RBFOX3: variants seen among roughly 807,000 people sequenced by gnomAD.
RBFOX3 encodes the protein RNA binding fox-1 homolog 3, also known as RNA binding protein fox-1 homolog 3.
RBFOX3 carries 17 observed loss-of-function variants against 48.7 expected under a neutral mutation model. That is an observed-to-expected ratio of 0.35 (90% confidence interval 0.24 to 0.52). The LOEUF is 0.52. RBFOX3 is among the 20% of genes least tolerant of loss of function. The probability of loss-of-function intolerance (pLI) is 0.94; values close to 1 mark genes in which losing one functional copy is unlikely to be tolerated. For missense variants in RBFOX3, 382 were observed against 497.5 expected (o/e 0.77, Z 2.21); for synonymous variants, 212 against 209.5 (o/e 1.01, Z -0.10).
intron 4 of RBFOX3, among the ~76,000 whole-genome samples, chr17:79,179,480 G>A (rs1011247912): frequency 5.9e-5 from 9 of 151,996 alleles, no homozygotes; most frequent in South Asian, 2.1e-4. Context: ...TTCACGACGC[G>A]TCCCCCAGGA....
chr17:79,098,688 G>A (rs572491470), intron 9 of RBFOX3: 2 of 152,436 alleles, frequency 1.3e-5, no homozygotes, highest in African/African-American at 4.8e-5. Context: ...CCTTGCAGTG[G>A]GCTCCGGCTC....
intron 1 of RBFOX3, among the ~76,000 whole-genome samples, chr17:79,529,542 A>G (rs1323761356): frequency 6.6e-6 from 1 of 152,102 alleles, no homozygotes; most frequent in Non-Finnish European, 1.5e-5. Flanking sequence ...GCACCCCGGG[A>G]GGGAGGTGGC....
At chr17:79,251,710 G>T (rs2063983758) in intron 3 of RBFOX3, among the ~76,000 whole-genome samples, 1 of 152,178 alleles carries the variant, frequency 6.6e-6, no homozygotes, top group Non-Finnish European at 1.5e-5. Flanking sequence ...GGCCAGACGA[G>T]TCGGCTGCAT....
intron 4 of RBFOX3, among the ~76,000 whole-genome samples, chr17:79,123,667 T>C (rs984317064): frequency 6.6e-6 from 1 of 152,018 alleles, no homozygotes; most frequent in African/African-American, 2.4e-5. Context: ...ACACGTGCCA[T>C]CTCATCGAAT....
chr17:79,381,290 T>TGAGATTCA (rs1326996649), intron 2 of RBFOX3, among the ~76,000 whole-genome samples: 1 of 151,158 alleles, frequency 6.6e-6, no homozygotes, highest in African/African-American at 2.4e-5. Context: ...AAGAAACACG[T>TGAGATTCA]GAGATTCATG....
At chr17:79,591,035 G>A (rs948969053) in intron 1 of RBFOX3, among the ~76,000 whole-genome samples, 3 of 152,196 alleles carry the variant, frequency 2.0e-5, no homozygotes, top group African/African-American at 2.4e-5. Flanking sequence ...AGAAGTTCCC[G>A]TGTCTGCCGG....
At chr17:79,398,435 T>C (rs1329609175) in intron 2 of RBFOX3, among the ~76,000 whole-genome samples, 2 of 151,910 alleles carry the variant, frequency 1.3e-5, no homozygotes, top group Non-Finnish European at 2.9e-5. Context: ...AGCCTGACGA[T>C]ATCTGTCAGC....
rs1364577317 is a variant in RBFOX3, at chr17:79,089,633, A to G, written c.*1250T>C. Reference sequence around the variant, plus strand: ...TTTCAATAGCTGATGCTGAATAGAAAGTGAGGTGTATTTTTAAATTTTTGA... The same window carrying G: ...TTTCAATAGCTGATGCTGAATAGAAGGTGAGGTGTATTTTTAAATTTTTGA... On this transcript the variant is annotated 3_prime_UTR_variant, in exon 15 of 15. Transcript: ENST00000693108. The G allele has an allele frequency of 2.0e-5, 3 of 152,544 alleles. No individual in the cohort carries two copies. The highest frequency in any genetic ancestry group is 2.9e-5 in the Non-Finnish European group (2 of 68,058). 9.4% of individuals were successfully genotyped at this position (152,544 alleles called of 1,614,324 possible). A position where few individuals can be genotyped will look rare whatever the true frequency, so the allele number is the denominator to read the frequency against.
the RBFOX3 span, among the ~76,000 whole-genome samples, chr17:79,631,126 C>T: frequency 7.7e-4 from 117 of 152,292 alleles, no homozygotes; most frequent in African/African-American, 2.7e-3. Flanking sequence ...GCAGCCCACA[C>T]AGGGTGCAGT....
At chr17:79,371,381 T>C (rs2058515574) in intron 2 of RBFOX3, among the ~76,000 whole-genome samples, 1 of 152,210 alleles carries the variant, frequency 6.6e-6, no homozygotes, top group Admixed American at 6.5e-5. Context: ...AGGGCTTCCG[T>C]CTTCCTCAGC....
rs2063656134 is a variant in RBFOX3 at position 79,249,652 on chromosome 17, C to T, written c.-73-13847G>A. ...ATAGCCCAGAGCTCACTGAAATGAT[C>T]CAAACCAGCCAGCCCCAAAACCACT... On this transcript the variant is annotated intron_variant, in intron 3 of 14. Transcript: ENST00000693108. This position sits in a 1 kb window ranked among gnomAD's most constrained non-coding sequence, Gnocchi z 4.1. Among the ~76,000 whole-genome samples, 2 of 152,052 alleles carry T rather than the reference C, an allele frequency of 1.3e-5. No homozygotes were observed. The highest frequency in any genetic ancestry group is 4.2e-4 in the South Asian group (2 of 4,808).
intron 9 of RBFOX3, among the ~76,000 whole-genome samples, chr17:79,100,914 C>T (rs2076312909): frequency 6.6e-6 from 1 of 152,194 alleles, no homozygotes. Flanking sequence ...CCTCAGTCTC[C>T]CCTTGCTGTG....
rs111835737 is a variant in RBFOX3, at chr17:79,318,446, C to T, written c.-174-10622G>A. ...CACCCCTTACACCATATGGCTCCCC[C>T]TCTCAGCAATGCAGTTGAGCAACGG... On this transcript the variant is annotated intron_variant, in intron 2 of 14. Coordinates refer to ENST00000693108, the MANE Select transcript of RBFOX3 (RefSeq NM_001350451.2). Among the ~76,000 whole-genome samples the T allele has an allele frequency of 8.5e-3, 1,288 of 152,320 alleles. 3 individuals are homozygous for T. Among genetic ancestry groups the T allele is most frequent in the Middle Eastern group, 0.014 (4 of 294 alleles).
chr17:79,240,098 T>G (rs971377268), intron 3 of RBFOX3, among the ~76,000 whole-genome samples: 2 of 152,208 alleles, frequency 1.3e-5, no homozygotes, highest in Non-Finnish European at 2.9e-5. Context: ...TGTGATTCTG[T>G]CTTTATTGAA....
At chr17:79,134,627 C>T (rs1272078419) in intron 4 of RBFOX3, among the ~76,000 whole-genome samples, 5 of 152,232 alleles carry the variant, frequency 3.3e-5, no homozygotes, top group African/African-American at 9.6e-5. Context: ...CCCTGACCTG[C>T]AGCCTCAGAA....
intron 4 of RBFOX3, among the ~76,000 whole-genome samples, chr17:79,140,010 C>A (rs1467712557): frequency 6.6e-6 from 1 of 152,226 alleles, no homozygotes; most frequent in African/African-American, 2.4e-5. Context: ...TGTCTCACTC[C>A]CAGGCCCATC....
chr17:79,656,871 G>GGGAAGGAAGGAAGGAAGGAGGGAAGGAA, the RBFOX3 span, among the ~76,000 whole-genome samples: 3 of 59,802 alleles, frequency 5.0e-5, no homozygotes, highest in African/African-American at 1.9e-4. Context: ...GAGGGAGGGA[G>GGGAAGGAAGGAAGGAAGGAGGGAAGGAA]GGAAGGAAGG....
chr17:79,450,330 C>G (rs971900593), intron 2 of RBFOX3, among the ~76,000 whole-genome samples: 1 of 152,208 alleles, frequency 6.6e-6, no homozygotes, highest in Non-Finnish European at 1.5e-5. Flanking sequence ...GGAACAAGAG[C>G]TACTTTGGCA....
Position 79,322,077 on chromosome 17 carries a change from A to G in RBFOX3, c.-174-14253T>C, listed in dbSNP as rs559921527. 2.6e-5 allele frequency among the ~76,000 whole-genome samples: 4 copies of G among 152,336 alleles called. No homozygotes were observed. In the South Asian group the frequency reaches 8.3e-4, roughly 32 times the overall value. ...TCTCAATGTTACCTGCACACCAACA[A>G]TTATGAAATAAATATAAAAAGTGAC... On this transcript the variant is annotated intron_variant, in intron 2 of 14. Coordinates refer to ENST00000693108, the MANE Select transcript of RBFOX3 (RefSeq NM_001350451.2).
Sources: allele counts gnomAD v4.1 joint callset (sites outside exome capture counted in the v4.1 genomes callset), GRCh38; gene constraint gnomAD v4.1.1; non-coding constraint Gnocchi (gnomAD v3.1); transcripts MANE v1.5; gene names NCBI Gene and HGNC (gene_info 2026-07-23, HGNC 2026-07-21).